The following PTPRG variants were observed in gnomAD, a reference collection of about 807,000 sequenced individuals.
PTPRG encodes the protein protein tyrosine phosphatase receptor type G.
A neutral mutation model predicts 165.3 loss-of-function variants in PTPRG; 102 were observed. The ratio of observed to expected loss-of-function variants is 0.62; its 90% CI spans 0.53 to 0.73. The LOEUF is 0.73. Among genes scored for constraint, PTPRG ranks in the 30% least tolerant of loss-of-function variants. The pLI, the probability that PTPRG is intolerant of heterozygous loss-of-function variation, is 0.00. For synonymous variants in PTPRG, 675 were observed against 669.5 expected (o/e 1.01, Z -0.13); for missense variants, 1,866 against 1,861.4 (o/e 1.00, Z -0.05).
At chr3:61,600,235 A>G (rs1322470485) in intron 1 of PTPRG, among the ~76,000 whole-genome samples, 3 of 140,648 alleles carry the variant, frequency 2.1e-5, no homozygotes, top group Non-Finnish European at 4.7e-5. Flanking sequence ...AATGAACTTT[A>G]TAGACAAGCA....
At chr3:62,260,969 C>T (rs1701679450) in intron 16 of PTPRG, 2 of 152,130 alleles carry the variant, frequency 1.3e-5, no homozygotes. Context: ...TTTTAGATAA[C>T]AAAGAGTTTG....
chr3:62,145,786 A>G (rs976608874), intron 6 of PTPRG, among the ~76,000 whole-genome samples: 1 of 152,188 alleles, frequency 6.6e-6, no homozygotes, highest in African/African-American at 2.4e-5. Context: ...CATTTTATAA[A>G]TAGGTAAAGT....
chr3:61,904,695 G>C (rs1384979832), intron 2 of PTPRG, among the ~76,000 whole-genome samples: 1 of 152,046 alleles, frequency 6.6e-6, no homozygotes, highest in Non-Finnish European at 1.5e-5. Flanking sequence ...CTAAAATGCT[G>C]TCCCCTAGGT....
At chr3:61,798,482 C>T (rs2035126129) in intron 2 of PTPRG, among the ~76,000 whole-genome samples, 2 of 152,298 alleles carry the variant, frequency 1.3e-5, no homozygotes, top group Middle Eastern at 3.4e-3. Flanking sequence ...TGCCAACTCA[C>T]TATGCTTCCT....
intron 4 of PTPRG, among the ~76,000 whole-genome samples, chr3:62,007,753 A>G (rs1238001762): frequency 6.6e-6 from 1 of 152,234 alleles, no homozygotes; most frequent in Non-Finnish European, 1.5e-5. Flanking sequence ...GAAGCTTTCA[A>G]TGGAGACATG....
chr3:62,086,950 A>G (rs1336395332), intron 5 of PTPRG, among the ~76,000 whole-genome samples: 1 of 152,260 alleles, frequency 6.6e-6, no homozygotes, highest in East Asian at 1.9e-4. Flanking sequence ...TTGGCGAAGC[A>G]TTACATAATT....
At chr3:62,221,178 A>T (rs542878919) in intron 13 of PTPRG, among the ~76,000 whole-genome samples, 17 of 152,364 alleles carry the variant, frequency 1.1e-4, no homozygotes, top group African/African-American at 4.1e-4. Context: ...AATGGAAAAT[A>T]TGAATTGAAT....
chr3:62,272,849 T>G, intron 21 of PTPRG, 97 bp from the exon 22 acceptor site: 2 of 1,324,976 alleles, frequency 1.5e-6, no homozygotes, highest in Non-Finnish European at 2.0e-6. Flanking sequence ...CTCAGAAAAA[T>G]AATAAAATAA....
intron 2 of PTPRG, among the ~76,000 whole-genome samples, chr3:61,871,195 G>A (rs2037569729): frequency 6.7e-6 from 1 of 149,196 alleles, no homozygotes; most frequent in Non-Finnish European, 1.5e-5. Context: ...GTTATGTTAT[G>A]TTATGTTATG....
chr3:61,871,199 T>C (rs1021936422), intron 2 of PTPRG, among the ~76,000 whole-genome samples: 2 of 150,244 alleles, frequency 1.3e-5, no homozygotes, highest in African/African-American at 4.9e-5. Context: ...TGTTATGTTA[T>C]GTTATGTTAT....
At chr3:61,833,713 C>T (rs549959629) in intron 2 of PTPRG, among the ~76,000 whole-genome samples, 2 of 152,214 alleles carry the variant, frequency 1.3e-5, no homozygotes, top group African/African-American at 4.8e-5. Flanking sequence ...CAGGTACCCG[C>T]CACCACGCCT....
At chr3:61,889,005 C>T (rs541612817) in intron 2 of PTPRG, among the ~76,000 whole-genome samples, 2 of 152,202 alleles carry the variant, frequency 1.3e-5, no homozygotes, top group South Asian at 4.1e-4. Context: ...CAGTGCATAT[C>T]AGGAGGCAGT....
chr3:61,901,516 TTGGAAACTATA>T (rs2038498244), intron 2 of PTPRG, among the ~76,000 whole-genome samples: 1 of 152,230 alleles, frequency 6.6e-6, no homozygotes, highest in Non-Finnish European at 1.5e-5. Flanking sequence ...TTCAGTTCCC[TTGGAAACTATA>T]AATCCAAAGG....
intron 7 of PTPRG, among the ~76,000 whole-genome samples, chr3:62,160,512 C>G (rs1704711575): frequency 6.6e-6 from 1 of 152,264 alleles, no homozygotes; most frequent in Non-Finnish European, 1.5e-5. Context: ...GTCACCCCAA[C>G]AAAATGGCAG....
chr3:62,230,875 T>A (rs1559682953), intron 13 of PTPRG, among the ~76,000 whole-genome samples: 1 of 152,232 alleles, frequency 6.6e-6, no homozygotes, highest in Non-Finnish European at 1.5e-5. Context: ...CCATTCTGTT[T>A]GCCAGGGCAG....
chr3:61,878,920 G>A (rs995820080), intron 2 of PTPRG, among the ~76,000 whole-genome samples: 2 of 152,104 alleles, frequency 1.3e-5, no homozygotes, highest in Admixed American at 6.5e-5. Flanking sequence ...TTACTAGTAA[G>A]GCGTCTTATT....
At position 62,195,330 on chromosome 3, in the gene PTPRG, G is replaced by A. The variant is rs1019833488; in HGVS notation, c.1327+160G>A. Among the ~76,000 whole-genome samples, 6 of 152,242 alleles carry A rather than the reference G, an allele frequency of 3.9e-5. No individual in the cohort carries two copies. On this transcript the variant is annotated intron_variant, in intron 10 of 29. Coordinates refer to ENST00000474889, the MANE Select transcript of PTPRG (RefSeq NM_002841.4). This position sits in a 1 kb window ranked among gnomAD's most constrained non-coding sequence, Gnocchi z 4.4. ...CTATGCGGGAAGCCCTAGTAATTTA[G>A]GTCTTTTAGGTTGGAGGTTTTATCG...
intron 2 of PTPRG, among the ~76,000 whole-genome samples, chr3:61,921,160 CTTCT>C (rs1364025607): frequency 6.7e-5 from 10 of 148,228 alleles, no homozygotes; most frequent in African/African-American, 2.3e-4. Context: ...TCCTTCCTTC[CTTCT>C]TACCTATCTA....
At chr3:61,605,572 T>A (rs199829985) in intron 1 of PTPRG, among the ~76,000 whole-genome samples, 1 of 151,058 alleles carries the variant, frequency 6.6e-6, no homozygotes, top group African/African-American at 2.4e-5. Context: ...TTTATTTTTT[T>A]GTTTTTTTTA....
Sources: gnomAD v4.1 joint callset for allele counts (sites outside exome capture counted in the v4.1 genomes callset) on GRCh38, gnomAD v4.1.1 for gene constraint, Gnocchi (gnomAD v3.1) non-coding constraint, MANE v1.5 for transcripts, NCBI Gene and HGNC (gene_info 2026-07-23, HGNC 2026-07-21) for gene names.